ASAP2: variants seen among roughly 807,000 people sequenced by gnomAD.
The protein encoded by ASAP2 is arf-GAP with SH3 domain, ANK repeat and PH domain-containing protein 2.
Under a neutral mutation model 131.4 loss-of-function variants are expected in ASAP2, and 45 were observed. The observed-to-expected ratio is 0.34, with a 90% confidence interval of 0.27 to 0.44. The LOEUF (loss-of-function observed/expected upper bound fraction) is 0.44, where lower values mean the gene tolerates loss of function less well. Ranked by LOEUF, ASAP2 falls within the 20% of genes least tolerant of loss-of-function variation. The pLI, the probability that ASAP2 is intolerant of heterozygous loss-of-function variation, is 1.00. For synonymous variants in ASAP2, 510 were observed against 503.0 expected (o/e 1.01, Z -0.19); for missense variants, 1,011 against 1,297.0 (o/e 0.78, Z 3.39).
intron 3 of ASAP2, among the ~76,000 whole-genome samples, chr2:9,305,931 G>A (rs1397469325): frequency 2.7e-5 from 4 of 149,528 alleles, no homozygotes; most frequent in African/African-American, 9.9e-5. Flanking sequence ...ATTGGTGGAG[G>A]GGCTGTAATA....
intron 1 of ASAP2, among the ~76,000 whole-genome samples, chr2:9,225,762 GT>G (rs1662717463): frequency 6.6e-6 from 1 of 152,188 alleles, no homozygotes; most frequent in South Asian, 2.1e-4. Context: ...GCCGTGGGAA[GT>G]GGTTGTAGGG....
chr2:9,402,395 C>G lies in ASAP2; in HGVS notation c.2947-858C>G, dbSNP rs368412391. Among the ~76,000 whole-genome samples the G allele has an allele frequency of 6.2e-4, 94 of 152,202 alleles. No homozygotes were observed. In the East Asian group the frequency reaches 0.015, roughly 24 times the overall value. On this transcript the variant is annotated intron_variant, in intron 27 of 27. Transcript: ENST00000281419. ...CCATAATCCCAGCACTTTGGGAGGC[C>G]GAGGCAGGCGGAACACTTGAGGTCA...
intron 2 of ASAP2, among the ~76,000 whole-genome samples, chr2:9,284,168 A>G (rs1270457753): frequency 1.3e-5 from 2 of 152,214 alleles, no homozygotes; most frequent in Admixed American, 1.3e-4. Context: ...ACGTACTCAC[A>G]AGTTCCAGGG....
intron 3 of ASAP2, 113 bp from the exon 4 acceptor site, chr2:9,318,411 G>C: frequency 1.3e-6 from 1 of 759,592 alleles, no homozygotes; most frequent in South Asian, 1.6e-5. Context: ...GCACCGGCCA[G>C]GTTTTAGGTG....
Position 9,376,716 on chromosome 2 carries a change from C to T in ASAP2, c.1747-192C>T, listed in dbSNP as rs149051225. Among the ~76,000 whole-genome samples the T allele has an allele frequency of 4.8e-3, 731 of 152,214 alleles. 3 individuals are homozygous for T. Among genetic ancestry groups the T allele is most frequent in the Non-Finnish European group, 5.9e-3 (402 of 68,024 alleles). Reference sequence around the variant, plus strand: ...TCCCATGGAGTCAGGAGAAACAGGACGAATCTCCAAATTGCACGTTCCCAA... The same window carrying T: ...TCCCATGGAGTCAGGAGAAACAGGATGAATCTCCAAATTGCACGTTCCCAA... On this transcript the variant is annotated intron_variant, in intron 17 of 27. Transcript: ENST00000281419.
chr2:9,364,388 T>C (rs1673300336), intron 15 of ASAP2, among the ~76,000 whole-genome samples: 2 of 151,566 alleles, frequency 1.3e-5, no homozygotes, highest in African/African-American at 4.8e-5. Flanking sequence ...ATGCCTGTGG[T>C]CCTAGCTATC....
intron 17 of ASAP2, among the ~76,000 whole-genome samples, chr2:9,375,695 T>G (rs1304601517): frequency 1.3e-5 from 2 of 152,206 alleles, no homozygotes; most frequent in Non-Finnish European, 2.9e-5. Flanking sequence ...ACCAAAAATG[T>G]AATGCCAGCT....
At chr2:9,222,836 C>G (rs1466450045) in intron 1 of ASAP2, among the ~76,000 whole-genome samples, 1 of 152,188 alleles carries the variant, frequency 6.6e-6, no homozygotes, top group East Asian at 1.9e-4. Context: ...CACTCCTGGT[C>G]CCACCTTTTC....
At chr2:9,235,309 G>A (rs1369439092) in intron 1 of ASAP2, among the ~76,000 whole-genome samples, 3 of 151,834 alleles carry the variant, frequency 2.0e-5, no homozygotes, top group South Asian at 2.1e-4. Context: ...CAGCTGCCCC[G>A]GGCAGAGTTG....
At chr2:9,382,810 C>G (rs897765161) in intron 20 of ASAP2, among the ~76,000 whole-genome samples, 2 of 152,230 alleles carry the variant, frequency 1.3e-5, no homozygotes, top group South Asian at 2.1e-4. Context: ...TCCCCCGACC[C>G]CATACACCAA....
At chr2:9,302,122 CTT>C (rs60869426) in intron 3 of ASAP2, among the ~76,000 whole-genome samples, 5 of 103,392 alleles carry the variant, frequency 4.8e-5, no homozygotes, top group Admixed American at 1.1e-4. Context: ...CGCGCCCGGC[CTT>C]TTTTTTTTTT....
At chr2:9,275,082 G>GTTTTTTTTT (rs753527243) in intron 1 of ASAP2, among the ~76,000 whole-genome samples, 7 of 128,838 alleles carry the variant, frequency 5.4e-5, no homozygotes, top group South Asian at 5.3e-4. Context: ...TCATTTGTCT[G>GTTTTTTTTT]TTTTTTTTTT....
intron 15 of ASAP2, among the ~76,000 whole-genome samples, chr2:9,365,733 A>G (rs1298750308): frequency 6.6e-6 from 1 of 152,192 alleles, no homozygotes; most frequent in Non-Finnish European, 1.5e-5. Flanking sequence ...CGCTGTCCTC[A>G]TAGTGTTCAG....
intron 1 of ASAP2, among the ~76,000 whole-genome samples, chr2:9,245,372 G>A (rs1343392374): frequency 6.6e-6 from 1 of 152,204 alleles, no homozygotes; most frequent in Non-Finnish European, 1.5e-5. Flanking sequence ...GAGCCAGCCT[G>A]CCTGGCCACT....
chr2:9,247,877 A>G (rs1440336882), intron 1 of ASAP2, among the ~76,000 whole-genome samples: 1 of 152,054 alleles, frequency 6.6e-6, no homozygotes, highest in Non-Finnish European at 1.5e-5. Context: ...TTTTGGCCCT[A>G]TTTCCCGCTC....
intron 15 of ASAP2, among the ~76,000 whole-genome samples, chr2:9,367,381 C>T (rs1438586880): frequency 6.6e-6 from 1 of 152,138 alleles, no homozygotes; most frequent in Non-Finnish European, 1.5e-5. Context: ...GTCACTGACT[C>T]CCCAGCAGAA....
chr2:9,212,937 G>A (rs188525084), intron 1 of ASAP2, among the ~76,000 whole-genome samples: 42 of 152,348 alleles, frequency 2.8e-4, no homozygotes, highest in Non-Finnish European at 3.5e-4. Context: ...TTGCTTGGGC[G>A]TTTGTGAAGC....
Position 9,254,534 on chromosome 2 carries a change from T to A in ASAP2, c.127-24783T>A, listed in dbSNP as rs1366344526. 1.3e-4 allele frequency among the ~76,000 whole-genome samples: 11 copies of A among 83,352 alleles called. 1 individual carries two copies. Among genetic ancestry groups the A allele is most frequent in the South Asian group, 6.2e-4 (2 of 3,202 alleles). The allele number at this position is 83,352 out of a possible 152,430, so 54.7% of individuals were successfully genotyped here. A position where few individuals can be genotyped will look rare whatever the true frequency, so the allele number is the denominator to read the frequency against. On this transcript the variant is annotated intron_variant, in intron 1 of 27. Coordinates refer to ENST00000281419, the MANE Select transcript of ASAP2 (RefSeq NM_003887.3). ...CCCCCAGCTAATTTTTGGATTTTTT[T>A]TTTTTTTTTTTTTTTTTTTAGTAGA...
intron 3 of ASAP2, among the ~76,000 whole-genome samples, chr2:9,314,070 G>A (rs915696008): frequency 2.0e-5 from 3 of 152,120 alleles, no homozygotes. Flanking sequence ...TGCAACCTCC[G>A]CCTCCTGGAT....
Sources: gnomAD v4.1 joint callset for allele counts (sites outside exome capture counted in the v4.1 genomes callset) on GRCh38, gnomAD v4.1.1 for gene constraint, MANE v1.5 for transcripts, NCBI Gene and HGNC (gene_info 2026-07-23, HGNC 2026-07-21) for gene names.